Variants in RAB31 observed in about 807,000 individuals in gnomAD.
RAB31 encodes ras-related protein Rab-31.
Under a neutral mutation model 25.6 loss-of-function variants are expected in RAB31, and 21 were observed. The ratio of observed to expected loss-of-function variants is 0.82; its 90% CI spans 0.58 to 1.18. The LOEUF (loss-of-function observed/expected upper bound fraction) is 1.18. RAB31 is among the 50% of genes most tolerant of loss of function. The pLI is 0.00. For synonymous variants in RAB31, 87 were observed against 84.0 expected, an observed-to-expected ratio of 1.04 and a Z score of -0.20; for missense variants, 196 against 250.1, an observed-to-expected ratio of 0.78 and a Z score of 1.46.
chr18:9,739,500 T>C (rs1195961895), intron 1 of RAB31, among the ~76,000 whole-genome samples: 1 of 150,842 alleles, frequency 6.6e-6, no homozygotes, highest in Non-Finnish European at 1.5e-5. Context: ...GAATTCAGAC[T>C]CAGGGTGCAG....
intron 1 of RAB31, among the ~76,000 whole-genome samples, chr18:9,728,612 A>G (rs777585953): frequency 2.0e-5 from 3 of 152,136 alleles, no homozygotes; most frequent in Non-Finnish European, 4.4e-5. Context: ...ATCTTGGCTC[A>G]CTACAACCTC....
chr18:9,719,327 ATAAATAAAT>A (rs1599010616), intron 1 of RAB31, among the ~76,000 whole-genome samples: 1 of 69,212 alleles, frequency 1.4e-5, no homozygotes, highest in Non-Finnish European at 2.7e-5. Context: ...ATATATATAT[ATAAATAAAT>A]AAATTTGATC....
At chr18:9,721,743 A>G (rs962208601) in intron 1 of RAB31, among the ~76,000 whole-genome samples, 1 of 152,086 alleles carries the variant, frequency 6.6e-6, no homozygotes, top group Non-Finnish European at 1.5e-5. Context: ...ATAGCAGGTA[A>G]CAACATGGAC....
At chr18:9,772,710 C>A (rs2068351399) in intron 1 of RAB31, among the ~76,000 whole-genome samples, 1 of 152,142 alleles carries the variant, frequency 6.6e-6, no homozygotes, top group Non-Finnish European at 1.5e-5. Flanking sequence ...ACCCTGCCTC[C>A]TTGGCAGTTT....
chr18:9,721,614 TA>T (rs34653831), intron 1 of RAB31, among the ~76,000 whole-genome samples: 105,268 of 143,452 alleles, frequency 0.73, 38,689 homozygotes, highest in East Asian at 0.86. Context: ...AGACTCCATC[TA>T]AAAAAAAAAA....
At chr18:9,719,326 TATAAATAA>T (rs56208111) in intron 1 of RAB31, among the ~76,000 whole-genome samples, 1,895 of 63,226 alleles carry the variant, frequency 0.03, 207 homozygotes, top group African/African-American at 0.04. Context: ...TATATATATA[TATAAATAA>T]ATAAATTTGA....
chr18:9,730,742 G>A (rs1008486392), intron 1 of RAB31, among the ~76,000 whole-genome samples: 1 of 152,214 alleles, frequency 6.6e-6, no homozygotes, highest in East Asian at 1.9e-4. Flanking sequence ...TGGTGCTTGG[G>A]ACATTCTGTA....
At chr18:9,738,832 T>C (rs2068163451) in intron 1 of RAB31, among the ~76,000 whole-genome samples, 1 of 152,166 alleles carries the variant, frequency 6.6e-6, no homozygotes, top group South Asian at 2.1e-4. Context: ...GAGGCAGCCT[T>C]GTAGGACTCA....
chr18:9,825,955 A>G (rs997401227), intron 5 of RAB31, among the ~76,000 whole-genome samples: 1 of 152,172 alleles, frequency 6.6e-6, no homozygotes, highest in African/African-American at 2.4e-5. Flanking sequence ...GGAGTGGGGG[A>G]CAGTTGCAAA....
At chr18:9,719,325 ATATAAATAAAT>A (rs1599010604) in intron 1 of RAB31, among the ~76,000 whole-genome samples, 1 of 84,490 alleles carries the variant, frequency 1.2e-5, no homozygotes, top group East Asian at 4.9e-4. Flanking sequence ...ATATATATAT[ATATAAATAAAT>A]AAATTTGATC....
chr18:9,811,661 C>T (rs916545999), intron 3 of RAB31, among the ~76,000 whole-genome samples: 3 of 151,950 alleles, frequency 2.0e-5, no homozygotes, highest in Admixed American at 2.0e-4. Flanking sequence ...GCTGGAAATC[C>T]CACCTGTTAA....
In RAB31 at chr18:9,859,434, C is replaced by A; in HGVS notation, c.*109C>A. ...GGCACCTCACTTTGAGAAGAGTGAG[C>A]ACACTGGCTTTGCATCCTGGAAGAC... On this transcript the variant is annotated 3_prime_UTR_variant, in exon 7 of 7. Transcript: ENST00000578921. The A allele has an allele frequency of 2.2e-6, 2 of 917,132 alleles. No homozygotes were observed. The highest frequency in any genetic ancestry group is 3.3e-6 in the Non-Finnish European group (2 of 602,678). The allele number at this position is 917,132 out of a possible 1,614,324, so 56.8% of individuals were successfully genotyped here. A position where few individuals can be genotyped will look rare whatever the true frequency, so the allele number is the denominator to read the frequency against.
At chr18:9,715,561 G>A (rs11663783) in intron 1 of RAB31, among the ~76,000 whole-genome samples, 23,815 of 132,958 alleles carry the variant, frequency 0.18, 2,179 homozygotes, top group East Asian at 0.32. Flanking sequence ...ATGGAGTCTC[G>A]CTCTGTCAAC....
At chr18:9,774,225 C>T (rs909215792) in intron 1 of RAB31, among the ~76,000 whole-genome samples, 23 of 152,238 alleles carry the variant, frequency 1.5e-4, no homozygotes, top group Non-Finnish European at 1.5e-5. Flanking sequence ...AAAGGGGAGC[C>T]TTCACTGCTT....
At chr18:9,797,759 G>T (rs1252055908) in intron 3 of RAB31, among the ~76,000 whole-genome samples, 1 of 152,158 alleles carries the variant, frequency 6.6e-6, no homozygotes, top group Non-Finnish European at 1.5e-5. Flanking sequence ...TTATATCAAT[G>T]GGATTGTGAT....
intron 1 of RAB31, among the ~76,000 whole-genome samples, chr18:9,774,325 A>G (rs529501517): frequency 6.6e-6 from 1 of 152,210 alleles, no homozygotes; most frequent in South Asian, 2.1e-4. Context: ...CGTCCGATGC[A>G]GGCTTCCTGG....
At chr18:9,774,852 G>A (rs2068363844) in intron 1 of RAB31, 2 of 519,108 alleles carry the variant, frequency 3.9e-6, no homozygotes, top group African/African-American at 1.9e-5. Context: ...GTCTTAAAGG[G>A]TGATGCCTAG....
intron 2 of RAB31, among the ~76,000 whole-genome samples, chr18:9,788,818 A>G (rs1289122637): frequency 6.6e-6 from 1 of 152,188 alleles, no homozygotes; most frequent in African/African-American, 2.4e-5. Flanking sequence ...TAAATTACAA[A>G]AATTAGCTGG....
chr18:9,737,994 C>G (rs1476248838), intron 1 of RAB31, among the ~76,000 whole-genome samples: 1 of 152,176 alleles, frequency 6.6e-6, no homozygotes, highest in Non-Finnish European at 1.5e-5. Context: ...AGCCGGCCGG[C>G]ATTTAAATGA....
Sources: gnomAD v4.1 joint callset for allele counts (sites outside exome capture counted in the v4.1 genomes callset) on GRCh38, gnomAD v4.1.1 for gene constraint, MANE v1.5 for transcripts, NCBI Gene and HGNC (gene_info 2026-07-23, HGNC 2026-07-21) for gene names.